STK39: variants seen among roughly 807,000 people sequenced by gnomAD.
STK39 encodes the protein serine/threonine kinase 39, also known as STE20/SPS1-related proline-alanine-rich protein kinase.
In STK39, 20 loss-of-function variants were observed where a neutral mutation model predicts 77.8. That is an observed-to-expected ratio of 0.26 (90% CI 0.18 to 0.37). STK39 has a LOEUF of 0.37. Among genes scored for constraint, STK39 ranks in the 10% least tolerant of loss-of-function variants. STK39 has a pLI of 1.00. For synonymous variants in STK39, 246 were observed against 234.1 expected (o/e 1.05, Z -0.47); for missense variants, 479 against 656.5 (o/e 0.73, Z 2.95).
At chr2:168,059,436 C>A (rs1685607153) in intron 14 of STK39, among the ~76,000 whole-genome samples, 2 of 152,120 alleles carry the variant, frequency 1.3e-5, no homozygotes, top group African/African-American at 4.8e-5. Flanking sequence ...AACAGAAAGA[C>A]CGAGGCCTTG....
chr2:167,987,377 T>C (rs542567998), intron 16 of STK39, among the ~76,000 whole-genome samples: 1 of 152,248 alleles, frequency 6.6e-6, no homozygotes, highest in African/African-American at 2.4e-5. Flanking sequence ...TGTGATAGCA[T>C]CACCCCTCTT....
chr2:168,080,192 A>G lies in STK39; in HGVS notation c.1090-4961T>C, dbSNP rs547434811. ...AGATTGGTAGAACTTTGAACTTGAG[A>G]GAGATGATTTAGGGTATTTGGTGGA... On this transcript the variant is annotated intron_variant, in intron 10 of 17. Transcript: ENST00000355999. Among the ~76,000 whole-genome samples, 7 of 152,330 alleles carry G rather than the reference A, an allele frequency of 4.6e-5. No individual in the cohort carries two copies. In the South Asian group the frequency reaches 1.4e-3, roughly 32 times the overall value.
At chr2:168,199,570 G>A (rs992022606) in intron 1 of STK39, among the ~76,000 whole-genome samples, 15 of 150,294 alleles carry the variant, frequency 1.0e-4, no homozygotes, top group East Asian at 3.9e-4. Context: ...CTCTGTTGCC[G>A]AGACTGGAGT....
intron 14 of STK39, among the ~76,000 whole-genome samples, chr2:168,029,141 A>G (rs1377933823): frequency 6.6e-6 from 1 of 152,230 alleles, no homozygotes; most frequent in African/African-American, 2.4e-5. Flanking sequence ...ATAACTGAAC[A>G]TTTTGTTGTT....
intron 14 of STK39, among the ~76,000 whole-genome samples, chr2:168,038,449 TA>T (rs10622931): frequency 3.4e-5 from 5 of 145,802 alleles, no homozygotes; most frequent in South Asian, 4.3e-4. Context: ...TAAAATGATT[TA>T]AAAAAAAAAA....
At chr2:168,130,087 T>A (rs1256124181) in intron 8 of STK39, among the ~76,000 whole-genome samples, 6 of 152,188 alleles carry the variant, frequency 3.9e-5, no homozygotes, top group Non-Finnish European at 7.3e-5. Context: ...GCTAAATTTC[T>A]ATATTTATTA....
intron 14 of STK39, among the ~76,000 whole-genome samples, chr2:168,030,015 C>T (rs1028058473): frequency 2.8e-4 from 42 of 152,162 alleles, no homozygotes; most frequent in Non-Finnish European, 4.6e-4. Flanking sequence ...CCGAGGTGGG[C>T]GGATCACGAG....
chr2:168,107,715 A>G (rs2105463569), intron 10 of STK39, among the ~76,000 whole-genome samples: 1 of 152,324 alleles, frequency 6.6e-6, no homozygotes, highest in East Asian at 1.9e-4. Flanking sequence ...ATATGACCCA[A>G]ACTCTGGGAC....
At chr2:168,044,561 T>G (rs748074290) in intron 14 of STK39, among the ~76,000 whole-genome samples, 6 of 152,150 alleles carry the variant, frequency 3.9e-5, no homozygotes, top group Non-Finnish European at 8.8e-5. Context: ...CCTCTAATAA[T>G]TATCTAAGAA....
At chr2:168,144,451 G>T (rs1293350161) in intron 5 of STK39, among the ~76,000 whole-genome samples, 2 of 152,034 alleles carry the variant, frequency 1.3e-5, no homozygotes, top group East Asian at 1.9e-4. Context: ...CTACAGGCAT[G>T]TGCTACCATG....
At chr2:168,017,377 A>ATTTTTTTTTTTT (rs386391743) in intron 14 of STK39, among the ~76,000 whole-genome samples, 1 of 93,592 alleles carries the variant, frequency 1.1e-5, no homozygotes, top group African/African-American at 4.4e-5. Context: ...GGAAACCTTA[A>ATTTTTTTTTTTT]TTTTTTTTTT....
intron 16 of STK39, among the ~76,000 whole-genome samples, chr2:167,975,432 T>C (rs1487959553): frequency 6.6e-6 from 1 of 152,036 alleles, no homozygotes; most frequent in Non-Finnish European, 1.5e-5. Context: ...ATAACTCACA[T>C]TACTAACCTT....
chr2:168,096,972 G>A (rs1400226800), intron 10 of STK39, among the ~76,000 whole-genome samples: 3 of 151,984 alleles, frequency 2.0e-5, no homozygotes, highest in East Asian at 3.9e-4. Context: ...AGAAGAAAAC[G>A]CTATTAATTT....
intron 14 of STK39, among the ~76,000 whole-genome samples, chr2:168,042,161 C>G (rs1361674150): frequency 3.3e-5 from 5 of 152,186 alleles, no homozygotes; most frequent in African/African-American, 7.2e-5. Flanking sequence ...TTTCCACTCT[C>G]AAGATATTTT....
At chr2:168,049,329 G>C (rs373229081) in intron 14 of STK39, among the ~76,000 whole-genome samples, 65 of 152,264 alleles carry the variant, frequency 4.3e-4, no homozygotes, top group African/African-American at 1.5e-3. Flanking sequence ...TTTCTTACCA[G>C]GTTGCCTCCT....
chr2:168,089,645 C>T lies in STK39; in HGVS notation c.1090-14414G>A, dbSNP rs183018685. On this transcript the variant is annotated intron_variant, in intron 10 of 17. Coordinates refer to ENST00000355999, the MANE Select transcript of STK39 (RefSeq NM_013233.3). ...AGATGTATTCTTTGAGACAGTTTCG[C>T]TCTTGTTGCCCAGGCTGGAGGGCAA... is the stretch of plus-strand genomic sequence containing the variant. Among the ~76,000 whole-genome samples the T allele has an allele frequency of 2.7e-3, 406 of 152,348 alleles. 1 individual carries two copies. Among genetic ancestry groups the T allele is most frequent in the Non-Finnish European group, 4.8e-3 (329 of 68,040 alleles).
intron 14 of STK39, among the ~76,000 whole-genome samples, chr2:168,043,718 A>C (rs1016185129): frequency 6.6e-6 from 1 of 152,242 alleles, no homozygotes; most frequent in African/African-American, 2.4e-5. Context: ...TCTGACCTGA[A>C]CTTTGTCATT....
intron 17 of STK39, among the ~76,000 whole-genome samples, chr2:167,956,007 A>G (rs1279272885): frequency 6.6e-6 from 1 of 152,246 alleles, no homozygotes; most frequent in African/African-American, 2.4e-5. Flanking sequence ...GGAGTAATTT[A>G]GTTTTTACCA....
chr2:168,234,087 G>A (rs1690532957), intron 1 of STK39, among the ~76,000 whole-genome samples: 1 of 152,210 alleles, frequency 6.6e-6, no homozygotes. Flanking sequence ...TAAAAATCAG[G>A]TGATGCCTGT....
Sources: allele counts gnomAD v4.1 joint callset (sites outside exome capture counted in the v4.1 genomes callset), GRCh38; gene constraint gnomAD v4.1.1; transcripts MANE v1.5; gene names NCBI Gene and HGNC (gene_info 2026-07-23, HGNC 2026-07-21).